FMN1: variants seen among roughly 807,000 people sequenced by gnomAD.
FMN1 encodes formin-1.
In FMN1, 110 loss-of-function variants were observed where a neutral mutation model predicts 132.4. The ratio of observed to expected loss-of-function variants is 0.83; its 90% confidence interval spans 0.71 to 0.97. FMN1 has a LOEUF of 0.97. FMN1 is among the 50% of genes least tolerant of loss of function. The pLI is 0.00. For missense variants in FMN1, 1,792 were observed against 1,705.3 expected, an observed-to-expected ratio of 1.05 and a Z score of -0.90; for synonymous variants, 722 against 651.7, an observed-to-expected ratio of 1.11 and a Z score of -1.64.
chr15:32,819,747 AAG>A (rs922913022), intron 17 of FMN1, among the ~76,000 whole-genome samples: 3 of 152,200 alleles, frequency 2.0e-5, no homozygotes, highest in African/African-American at 7.2e-5. Context: ...CTTTATAAAA[AAG>A]AAAGAAAAAA....
At chr15:32,919,369 T>C (rs1268673057) in intron 10 of FMN1, among the ~76,000 whole-genome samples, 1 of 152,162 alleles carries the variant, frequency 6.6e-6, no homozygotes, top group East Asian at 1.9e-4. Flanking sequence ...GATAGCCAAA[T>C]GGCACCCGCC....
chr15:32,792,522 T>C (rs1423640548), intron 19 of FMN1, among the ~76,000 whole-genome samples: 2 of 152,194 alleles, frequency 1.3e-5, no homozygotes, highest in African/African-American at 4.8e-5. Flanking sequence ...AGGAGTCATC[T>C]GATTTCAGTT....
In FMN1 at chr15:32,934,599, T is replaced by C. The variant is rs28789672; in HGVS notation, c.3139-8338A>G. On this transcript the variant is annotated intron_variant, in intron 9 of 20. Transcript: ENST00000616417. The stretch of plus-strand genomic sequence containing the variant: ...TGTTTCTGAAAGACAATTTTTTTCC[T>C]TTTTTTTTTTTTTTTTTGGGTGGGG... Among the ~76,000 whole-genome samples, 565 of 116,684 alleles carry C rather than the reference T, an allele frequency of 4.8e-3. 1 individual carries two copies. The highest frequency in any genetic ancestry group is 0.012 in the Middle Eastern group (3 of 244). The allele number at this position is 116,684 out of a possible 152,430, so 76.5% of individuals were successfully genotyped here.
At chr15:33,017,193 G>A (rs35173737) in intron 6 of FMN1, among the ~76,000 whole-genome samples, 20,731 of 151,740 alleles carry the variant, frequency 0.14, 2,069 homozygotes, top group East Asian at 0.54. Context: ...TCAGTGGAGC[G>A]ACAGGGGGTT....
chr15:32,955,826 TGC>T (rs71309471), intron 9 of FMN1, among the ~76,000 whole-genome samples: 3 of 149,448 alleles, frequency 2.0e-5, no homozygotes, highest in African/African-American at 7.5e-5. Flanking sequence ...TGTGTGTGTG[TGC>T]GTGCGCGCAC....
chr15:32,779,547 T>G (rs1301779718), intron 19 of FMN1, among the ~76,000 whole-genome samples: 1 of 152,144 alleles, frequency 6.6e-6, no homozygotes, highest in Non-Finnish European at 1.5e-5. Context: ...CAAGTTTTCT[T>G]GTAGGGAGAT....
At chr15:33,039,573 A>G (rs769080705) in intron 6 of FMN1, among the ~76,000 whole-genome samples, 1 of 152,222 alleles carries the variant, frequency 6.6e-6, no homozygotes, top group Non-Finnish European at 1.5e-5. Flanking sequence ...TATAAAAATA[A>G]TAAAGACTAC....
intron 8 of FMN1, among the ~76,000 whole-genome samples, chr15:32,965,331 C>T (rs2031099784): frequency 6.6e-6 from 1 of 152,014 alleles, no homozygotes; most frequent in Admixed American, 6.6e-5. Flanking sequence ...ACCCGGGAGG[C>T]AGAGGTTGCG....
At chr15:33,080,937 C>T (rs1462442732) in intron 5 of FMN1, among the ~76,000 whole-genome samples, 1 of 152,000 alleles carries the variant, frequency 6.6e-6, no homozygotes, top group African/African-American at 2.4e-5. Context: ...ATACAAGGAC[C>T]TGTGGAAATC....
intron 5 of FMN1, among the ~76,000 whole-genome samples, chr15:33,065,350 A>G (rs2037675814): frequency 6.6e-6 from 1 of 152,200 alleles, no homozygotes; most frequent in African/African-American, 2.4e-5. Context: ...TTATATAATT[A>G]TTTGAAAAAG....
chr15:33,053,171 C>T (rs2037057970), intron 6 of FMN1, among the ~76,000 whole-genome samples: 1 of 152,184 alleles, frequency 6.6e-6, no homozygotes, highest in African/African-American at 2.4e-5. Flanking sequence ...TAGGCCTTTG[C>T]CCTCACTGGT....
intron 16 of FMN1, among the ~76,000 whole-genome samples, chr15:32,871,216 C>G (rs919129840): frequency 6.6e-6 from 1 of 152,182 alleles, no homozygotes; most frequent in African/African-American, 2.4e-5. Flanking sequence ...ATTTTTAAAA[C>G]AGCAGAAAAA....
intron 16 of FMN1, among the ~76,000 whole-genome samples, chr15:32,873,363 G>C (rs922421858): frequency 6.6e-6 from 1 of 152,148 alleles, no homozygotes; most frequent in Non-Finnish European, 1.5e-5. Flanking sequence ...CAATAGTCTC[G>C]CTTGCTGGAC....
chr15:33,109,419 G>GCAAAGACAGGGAATCAACCTAATGT (rs2039611356), intron 4 of FMN1, among the ~76,000 whole-genome samples: 2 of 152,062 alleles, frequency 1.3e-5, no homozygotes, highest in African/African-American at 4.8e-5. Flanking sequence ...ATTCACAATA[G>GCAAAGACAGGGAATCAACCTAATGT]CAAAGACAGG....
intron 5 of FMN1, among the ~76,000 whole-genome samples, chr15:33,080,642 T>C (rs1319202212): frequency 6.6e-6 from 1 of 150,944 alleles, no homozygotes; most frequent in East Asian, 1.9e-4. Flanking sequence ...ATCCCAGCAC[T>C]TTGGGAGGCT....
At chr15:33,156,307 T>C (rs1341349844) in intron 3 of FMN1, among the ~76,000 whole-genome samples, 2 of 147,140 alleles carry the variant, frequency 1.4e-5, no homozygotes, top group East Asian at 2.1e-4. Flanking sequence ...TTTAGATGGG[T>C]TCTTGCTCTG....
At chr15:33,142,492 C>T (rs1328592328) in intron 4 of FMN1, among the ~76,000 whole-genome samples, 1 of 152,168 alleles carries the variant, frequency 6.6e-6, no homozygotes, top group African/African-American at 2.4e-5. Flanking sequence ...CCCATGAGGG[C>T]AGAGAGCAGC....
intron 7 of FMN1, among the ~76,000 whole-genome samples, chr15:33,003,878 G>A (rs2034258469): frequency 6.6e-6 from 1 of 152,136 alleles, no homozygotes; most frequent in Non-Finnish European, 1.5e-5. Flanking sequence ...AGAGCCCTCA[G>A]AAATAATGCC....
intron 17 of FMN1, among the ~76,000 whole-genome samples, chr15:32,808,706 T>C (rs1306108997): frequency 2.0e-5 from 3 of 152,220 alleles, no homozygotes; most frequent in Admixed American, 6.5e-5. Flanking sequence ...GACTGACATA[T>C]GATGGGCATT....
Sources: gnomAD v4.1 joint callset for allele counts (sites outside exome capture counted in the v4.1 genomes callset) on GRCh38, gnomAD v4.1.1 for gene constraint, MANE v1.5 for transcripts, NCBI Gene and HGNC (gene_info 2026-07-23, HGNC 2026-07-21) for gene names.